Variants in PLIN1 observed in about 807,000 individuals in gnomAD.
PLIN1 encodes the protein perilipin 1, also known as perilipin-1.
PLIN1 carries 37 observed loss-of-function variants against 45.8 expected under a neutral mutation model. The ratio of observed to expected loss-of-function variants is 0.81; its 90% confidence interval spans 0.62 to 1.06. PLIN1 has a LOEUF of 1.06. Ranked by LOEUF, PLIN1 falls within the 50% of genes least tolerant of loss-of-function variation. PLIN1 has a pLI of 0.00. For synonymous variants in PLIN1, 340 were observed against 309.2 expected (o/e 1.10, Z -1.05); for missense variants, 776 against 716.5 (o/e 1.08, Z -0.95).
At chr15:89,667,502 C>A in intron 7 of PLIN1, 100 bp downstream of exon 7, 3 of 1,567,744 alleles carry the variant, frequency 1.9e-6, no homozygotes, top group African/African-American at 1.3e-5. Flanking sequence ...ACATGCCGTG[C>A]CCCTGCATCT....
At chr15:89,671,880 G>A (rs1420831086) in intron 3 of PLIN1, among the ~76,000 whole-genome samples, 1 of 152,242 alleles carries the variant, frequency 6.6e-6, no homozygotes, top group Non-Finnish European at 1.5e-5. Flanking sequence ...TTCCTACCTT[G>A]TAAAAGGTGA....
At position 89,667,108 on chromosome 15, in the gene PLIN1, G is replaced by C. The variant is rs140116505; in HGVS notation, c.1037C>G (p.Thr346Ser). 6.2e-7 allele frequency: 1 copy of C among 1,614,088 alleles called. No homozygotes were observed. Among genetic ancestry groups the C allele is most frequent in the Admixed American group, 1.7e-5 (1 of 60,028 alleles). Residue 346 changes from threonine to serine, a missense_variant, in exon 8 of 9, where the codon ACC becomes AGC. Thr to Ser is a moderately conservative substitution (Grantham distance 58). Transcript: ENST00000300055. ...AGGTGCCCATGTCACAGCCGAGATG[G>C]TGGTCTGGAGGGTCTTCTGCAGGGT... ...AHTLQKTLQT[T>S]ISAVTWAPAA...
In PLIN1 at chr15:89,669,299, C is replaced by T. The variant is rs17847332; in HGVS notation, c.771+201G>A. Among the ~76,000 whole-genome samples, 39 of 152,280 alleles carry T rather than the reference C, an allele frequency of 2.6e-4. 2 individuals carry two copies. The East Asian group carries it at 7.5e-3, about 29-fold the overall frequency. On this transcript the variant is annotated intron_variant, in intron 6 of 8. Coordinates refer to ENST00000300055, the MANE Select transcript of PLIN1 (RefSeq NM_002666.5). Reference sequence around the variant, plus strand: ...AGGCAGGCCTGCCCTTGCTTAACATCCTCTCCCTTCTCTTTCCCTGTGGTC... The same window carrying T: ...AGGCAGGCCTGCCCTTGCTTAACATTCTCTCCCTTCTCTTTCCCTGTGGTC...
At chr15:89,669,403 A>G in intron 6 of PLIN1, 97 bp downstream of exon 6, 1 of 1,047,480 alleles carries the variant, frequency 9.5e-7, no homozygotes, top group Non-Finnish European at 1.5e-6. Context: ...GAATGTTCTC[A>G]GGACAGGAAG....
At position 89,665,892 on chromosome 15, in the gene PLIN1, G is replaced by T; in HGVS notation, c.1260C>A (p.Asp420Glu). ...MEPESEFRDI[D>E]NPPAEVERRE... is the part of the protein sequence containing the mutation. ...GGCGCTCGACCTCGGCTGGTGGGTT[G>T]TCGATGTCCCGGAATTCGCTCTCGG... The change falls in exon 9 of 9, where the codon GAC becomes GAA. Residue 420 changes from aspartate (D) to glutamate (E), a missense_variant. Physicochemically the swap from Asp to Glu is conservative, Grantham distance 45 (BLOSUM62 2). Transcript: ENST00000300055. 6.5e-7 allele frequency: 1 copy of T among 1,534,342 alleles called. No individual in the cohort carries two copies.
At chr15:89,672,459 T>A (rs769048828) in intron 3 of PLIN1, among the ~76,000 whole-genome samples, 9 of 152,212 alleles carry the variant, frequency 5.9e-5, no homozygotes, top group Non-Finnish European at 1.0e-4. Context: ...AGGAAACTAT[T>A]TAAGGAGATT....
At chr15:89,671,376 TG>T in intron 4 of PLIN1, 105 bp downstream of exon 4, 1 of 824,366 alleles carries the variant, frequency 1.2e-6, no homozygotes, top group Non-Finnish European at 2.0e-6. Context: ...GTGCTCACCA[TG>T]GGACACAGAC....
At position 89,673,103 on chromosome 15, in the gene PLIN1, A is replaced by C. The variant is rs1964462543; in HGVS notation, c.250+107T>G. 5 of 846,314 alleles carry C rather than the reference A, an allele frequency of 5.9e-6. No homozygotes were observed. The Admixed American group carries it at 8.0e-5, about 14-fold the overall frequency. 52.4% of individuals were successfully genotyped at this position (846,314 alleles called of 1,614,324 possible). A position where few individuals can be genotyped will look rare whatever the true frequency, so the allele number is the denominator to read the frequency against. The stretch of plus-strand genomic sequence containing the variant: ...CAATGGGATGTGGGCAGTTAAGCAG[A>C]CAGACAAGCAAGTTATCAGACAGTC... On this transcript the variant is annotated intron_variant, in intron 3 of 8. Transcript: ENST00000300055.
intron 4 of PLIN1, 116 bp from the exon 5 acceptor site, chr15:89,670,360 A>G: frequency 9.5e-7 from 1 of 1,051,264 alleles, no homozygotes. Context: ...CTAAAGGCCC[A>G]GGGAACTGGT....
intron 3 of PLIN1, among the ~76,000 whole-genome samples, chr15:89,672,362 A>G (rs1361284492): frequency 1.3e-5 from 2 of 152,206 alleles, no homozygotes; most frequent in Non-Finnish European, 2.9e-5. Flanking sequence ...TTCTTTTGCC[A>G]GATACCTTAT....
At chr15:89,671,926 A>G (rs1442583322) in intron 3 of PLIN1, among the ~76,000 whole-genome samples, 1 of 152,240 alleles carries the variant, frequency 6.6e-6, no homozygotes, top group African/African-American at 2.4e-5. Context: ...TTTTGTGAAG[A>G]AGAATGATGG....
At chr15:89,673,182 G>A (rs1964463843) in intron 3 of PLIN1, 28 bp downstream of exon 3, 1 of 1,499,286 alleles carries the variant, frequency 6.7e-7, no homozygotes, top group South Asian at 1.2e-5. Context: ...GAACAAGCAG[G>A]CAGCTGCTGA....
intron 3 of PLIN1, among the ~76,000 whole-genome samples, chr15:89,672,402 G>A (rs1964453931): frequency 6.6e-6 from 1 of 152,176 alleles, no homozygotes; most frequent in Non-Finnish European, 1.5e-5. Flanking sequence ...AAGCAGCAGA[G>A]AGCCCAGATG....
At chr15:89,665,984 G>C in intron 8 of PLIN1, 42 bp from the exon 9 acceptor site, 4 of 1,402,966 alleles carry the variant, frequency 2.9e-6, no homozygotes, top group Non-Finnish European at 3.8e-6. Context: ...GCTTGGCCCT[G>C]GGCCCTGCGC....
chr15:89,669,927 A>G (rs1280913136), intron 5 of PLIN1, 53 bp downstream of exon 5: 9 of 1,567,880 alleles, frequency 5.7e-6, no homozygotes, highest in Non-Finnish European at 6.9e-6. Flanking sequence ...GCTGATTCCC[A>G]GGCAGTGTGT....
intron 4 of PLIN1, 39 bp from the exon 5 acceptor site, chr15:89,670,283 G>T (rs779078956): frequency 6.3e-6 from 10 of 1,594,406 alleles, no homozygotes; most frequent in Non-Finnish European, 8.6e-6. Context: ...ATGTGGTCTT[G>T]CAGGCCCTAC....
chr15:89,673,498 T>C (rs1362785671), intron 2 of PLIN1, 84 bp from the exon 3 acceptor site: 9 of 1,101,246 alleles, frequency 8.2e-6, no homozygotes, highest in Non-Finnish European at 1.2e-5. Flanking sequence ...TGGGGACCAA[T>C]GGTGCAACTA....
Position 89,665,878 on chromosome 15 carries a change from T to A in PLIN1, c.1274A>T (p.Glu425Val). The change falls in exon 9 of 9, where the codon GAG (glutamate) becomes GTG (valine). Residue 425 changes from glutamate (E) to valine (V), a missense_variant. Physicochemically the swap from Glu to Val is moderately radical, Grantham distance 121. Coordinates refer to ENST00000300055, the MANE Select transcript of PLIN1 (RefSeq NM_002666.5). ...GCGCTCCGCCTCCCGGCGCTCGACC[T>A]CGGCTGGTGGGTTGTCGATGTCCCG... ...EFRDIDNPPA[E>V]VERREAERRA... 6.6e-7 allele frequency: 1 copy of A among 1,518,286 alleles called. No homozygotes were observed. Among genetic ancestry groups the A allele is most frequent in the Non-Finnish European group, 8.8e-7 (1 of 1,140,920 alleles). The allele number at this position is 1,518,286 out of a possible 1,614,324, so 94.1% of individuals were successfully genotyped here.
intron 3 of PLIN1, 108 bp from the exon 4 acceptor site, chr15:89,671,672 G>C (rs779970219): frequency 8.5e-6 from 7 of 826,536 alleles, no homozygotes; most frequent in Non-Finnish European, 1.4e-5. Flanking sequence ...CCCAAGGCCT[G>C]CTGCCTCCCC....
Sources: gnomAD v4.1 joint callset for allele counts (sites outside exome capture counted in the v4.1 genomes callset) on GRCh38, gnomAD v4.1.1 for gene constraint, MANE v1.5 for transcripts, NCBI Gene and HGNC (gene_info 2026-07-23, HGNC 2026-07-21) for gene names.